Variants in OPHN1 observed in about 807,000 individuals in gnomAD.
OPHN1 encodes the protein oligophrenin-1.
Under a neutral mutation model 60.7 loss-of-function variants are expected in OPHN1, and 11 were observed. That is an observed-to-expected ratio of 0.18 (90% CI 0.11 to 0.30). OPHN1 has a LOEUF of 0.30. Among genes scored for constraint, OPHN1 ranks in the 10% least tolerant of loss-of-function variants. OPHN1 has a pLI of 1.00. For synonymous variants in OPHN1, 226 were observed against 222.6 expected, an observed-to-expected ratio of 1.02 and a Z score of -0.14; for missense variants, 449 against 611.0, an observed-to-expected ratio of 0.73 and a Z score of 2.80.
chrX:68,242,214 C>CA (rs753856136), intron 5 of OPHN1, among the ~76,000 whole-genome samples: 5,915 of 23,936 alleles, frequency 0.25, 436 homozygotes, highest in African/African-American at 0.36. Flanking sequence ...CCCATCTCTA[C>CA]AAAAAAAAAA....
intron 15 of OPHN1, among the ~76,000 whole-genome samples, chrX:68,138,348 CA>C (rs1372160144): frequency 1.7e-4 from 19 of 111,923 alleles, no homozygotes; most frequent in African/African-American, 2.6e-4. Flanking sequence ...GGTACAGAAA[CA>C]AAAAGGCAAT....
chrX:68,208,013 T>C (rs1217202568), intron 9 of OPHN1, among the ~76,000 whole-genome samples: 1 of 110,456 alleles, frequency 9.1e-6, no homozygotes, highest in Non-Finnish European at 1.9e-5. Context: ...TCTCTTTCTT[T>C]CTTTCCTTTC....
intron 13 of OPHN1, 119 bp from the exon 14 acceptor site, chrX:68,194,071 C>G (rs1404355072): frequency 5.0e-6 from 3 of 595,646 alleles, no homozygotes; most frequent in Non-Finnish European, 8.5e-6. Flanking sequence ...TTGCTCATTT[C>G]TAGTCACCCT....
intron 3 of OPHN1, among the ~76,000 whole-genome samples, chrX:68,293,176 C>T (rs1489122659): frequency 8.9e-6 from 1 of 111,812 alleles, no homozygotes; most frequent in Non-Finnish European, 1.9e-5. Flanking sequence ...ACCTCCAGGA[C>T]TCTAAAACAA....
intron 2 of OPHN1, among the ~76,000 whole-genome samples, chrX:68,418,719 A>G (rs1156881615): frequency 8.9e-6 from 1 of 111,978 alleles, no homozygotes; most frequent in African/African-American, 3.2e-5. Flanking sequence ...CTCATCTGTA[A>G]AACAAGGGAC....
In OPHN1 at chrX:68,187,916, C is replaced by G. The variant is rs751426760; in HGVS notation, c.1276+5003G>C. Among the ~76,000 whole-genome samples the G allele has an allele frequency of 6.3e-5, 7 of 111,961 alleles. No homozygotes were observed. In the East Asian group the frequency reaches 2.0e-3, roughly 32 times the overall value. On this transcript the variant is annotated intron_variant, in intron 15 of 24. Coordinates refer to ENST00000355520, the MANE Select transcript of OPHN1 (RefSeq NM_002547.3). ...TGCGGGGATTACAGGTGTGAGCCAC[C>G]GTGCCCAGCCAAATATGTATTGTTT...
chrX:68,276,030 A>G (rs2147596242), intron 4 of OPHN1, among the ~76,000 whole-genome samples: 1 of 111,364 alleles, frequency 9.0e-6, no homozygotes, highest in Non-Finnish European at 1.9e-5. Flanking sequence ...AAAATATAAA[A>G]CTAGGCAAGA....
In OPHN1 at chrX:68,097,746, C is replaced by T. The variant is rs1271500801; in HGVS notation, c.1527-717G>A. Among the ~76,000 whole-genome samples, 7 of 110,892 alleles carry T rather than the reference C, an allele frequency of 6.3e-5. No individual in the cohort carries two copies. The Admixed American group carries it at 6.7e-4, about 11-fold the overall frequency. On this transcript the variant is annotated intron_variant, in intron 18 of 24. Transcript: ENST00000355520. ...AACTTGAGTAACTTGACCCCTATTTCCAATCCCTACTCACTGCTTAGGCTC... is the reference window on the plus strand; with the variant it reads ...AACTTGAGTAACTTGACCCCTATTTTCAATCCCTACTCACTGCTTAGGCTC...
intron 6 of OPHN1, among the ~76,000 whole-genome samples, chrX:68,218,341 T>C (rs1423871444): frequency 1.9e-5 from 2 of 104,605 alleles, no homozygotes; most frequent in African/African-American, 3.5e-5. Context: ...TGGAACCAAG[T>C]TGGAAAACAC....
chrX:68,152,139 C>T (rs2077287789), intron 15 of OPHN1, among the ~76,000 whole-genome samples: 1 of 111,194 alleles, frequency 9.0e-6, no homozygotes, highest in Non-Finnish European at 1.9e-5. Context: ...CCATGAGGCC[C>T]CACCTCCAAC....
intron 19 of OPHN1, among the ~76,000 whole-genome samples, chrX:68,087,872 C>G (rs2077001417): frequency 9.0e-6 from 1 of 111,561 alleles, no homozygotes; most frequent in African/African-American, 3.3e-5. Context: ...GTAATGAGCT[C>G]TTAGCATTTG....
intron 2 of OPHN1, among the ~76,000 whole-genome samples, chrX:68,367,746 C>G (rs186340276): frequency 9.0e-6 from 1 of 111,723 alleles, no homozygotes; most frequent in East Asian, 2.8e-4. Flanking sequence ...AGTTTCCCCC[C>G]TGCTGTTCTT....
At chrX:68,187,873 C>T (rs1478042932) in intron 15 of OPHN1, among the ~76,000 whole-genome samples, 4 of 112,015 alleles carry the variant, frequency 3.6e-5, no homozygotes, top group Non-Finnish European at 5.6e-5. Flanking sequence ...GTGATCCGCC[C>T]GCCTTGGCCT....
chrX:68,421,255 T>C (rs1224895123), intron 2 of OPHN1, among the ~76,000 whole-genome samples: 1 of 111,457 alleles, frequency 9.0e-6, no homozygotes, highest in Non-Finnish European at 1.9e-5. Context: ...AGCACACTGG[T>C]ACCCCTAGCT....
At chrX:68,181,054 C>A (rs1363547467) in intron 15 of OPHN1, among the ~76,000 whole-genome samples, 2 of 111,414 alleles carry the variant, frequency 1.8e-5, no homozygotes, top group East Asian at 5.7e-4. Context: ...AGACCTGCCA[C>A]AAACCAGACT....
intron 19 of OPHN1, among the ~76,000 whole-genome samples, chrX:68,082,524 A>G (rs2147383076): frequency 8.9e-6 from 1 of 112,717 alleles, no homozygotes; most frequent in East Asian, 2.8e-4. Context: ...CATCTCCATC[A>G]GAGCTGCTGG....
At chrX:68,176,456 A>T (rs2147430110) in intron 15 of OPHN1, among the ~76,000 whole-genome samples, 1 of 112,100 alleles carries the variant, frequency 8.9e-6, no homozygotes, top group Non-Finnish European at 1.9e-5. Flanking sequence ...TGGAAAATGC[A>T]AATCAAAACC....
intron 5 of OPHN1, among the ~76,000 whole-genome samples, chrX:68,271,025 A>C (rs1451459174): frequency 9.0e-6 from 1 of 111,608 alleles, no homozygotes; most frequent in African/African-American, 3.3e-5. Context: ...GATATGTATG[A>C]GTAAGGGCCT....
intron 15 of OPHN1, among the ~76,000 whole-genome samples, chrX:68,129,309 A>G (rs775028635): frequency 9.0e-6 from 1 of 111,396 alleles, no homozygotes; most frequent in East Asian, 2.8e-4. Context: ...TGCATCTCAA[A>G]AATAAGTCTA....
Sources: gnomAD v4.1 joint callset for allele counts (sites outside exome capture counted in the v4.1 genomes callset) on GRCh38, gnomAD v4.1.1 for gene constraint, MANE v1.5 for transcripts, NCBI Gene and HGNC (gene_info 2026-07-23, HGNC 2026-07-21) for gene names.